Variants in INPP4B observed in about 807,000 individuals in gnomAD.
INPP4B encodes the protein inositol polyphosphate-4-phosphatase type II B.
A neutral mutation model predicts 122.5 loss-of-function variants in INPP4B; 55 were observed. The observed-to-expected ratio is 0.45, with a 90% CI of 0.36 to 0.56. The LOEUF is 0.56. Ranked by LOEUF, INPP4B falls within the 20% of genes least tolerant of loss-of-function variation. The pLI, the probability that INPP4B is intolerant of heterozygous loss-of-function variation, is 0.00. For missense variants in INPP4B, 1,000 were observed against 1,097.7 expected (o/e 0.91, Z 1.26); for synonymous variants, 403 against 388.7 (o/e 1.04, Z -0.43).
chr4:142,365,345 A>G (rs1323289869), intron 7 of INPP4B, among the ~76,000 whole-genome samples: 1 of 152,156 alleles, frequency 6.6e-6, no homozygotes, highest in Non-Finnish European at 1.5e-5. Context: ...ATCAACTGAG[A>G]TCACGAAGAA....
chr4:142,104,232 T>C lies in INPP4B; in HGVS notation c.2374+3861A>G, dbSNP rs181499142. Among the ~76,000 whole-genome samples, 3 of 152,294 alleles carry C rather than the reference T, an allele frequency of 2.0e-5. No individual in the cohort carries two copies. The East Asian group carries it at 5.8e-4, about 29-fold the overall frequency. ...GGAAGACAGAAGGGGCTTTATCCAC[T>C]TCCTTCAGAAGCCCTGAATCATGTA... On this transcript the variant is annotated intron_variant, in intron 23 of 25. Transcript: ENST00000262992.
chr4:142,765,311 T>A (rs1771949378), intron 1 of INPP4B, among the ~76,000 whole-genome samples: 1 of 152,130 alleles, frequency 6.6e-6, no homozygotes. Context: ...GGGGTGGCAC[T>A]GAAGGGCTGG....
intron 1 of INPP4B, among the ~76,000 whole-genome samples, chr4:142,812,685 C>CT (rs1018640311): frequency 1.3e-5 from 2 of 151,912 alleles, no homozygotes; most frequent in African/African-American, 4.8e-5. Flanking sequence ...CTTATTTATA[C>CT]TTTTTTATAA....
intron 25 of INPP4B, among the ~76,000 whole-genome samples, chr4:142,032,985 GAA>G (rs1741318633): frequency 6.6e-6 from 1 of 151,434 alleles, no homozygotes; most frequent in East Asian, 1.9e-4. Context: ...GCATGGTAAA[GAA>G]AAATATCACC....
In INPP4B at chr4:142,360,974, T is replaced by C. The variant is rs144764076; in HGVS notation, c.372+41964A>G. On this transcript the variant is annotated intron_variant, in intron 7 of 25. Transcript: ENST00000262992. ...TTGTATTGTTTGTGTGCATGTGCTA[T>C]TGTTTGCTCTTTGAGTGTCATCCTT... is the stretch of plus-strand genomic sequence containing the variant. Among the ~76,000 whole-genome samples, 1,087 of 152,052 alleles carry C rather than the reference T, an allele frequency of 7.1e-3. 13 individuals are homozygous for C. The highest frequency in any genetic ancestry group is 0.025 in the African/African-American group (1,039 of 41,520).
chr4:142,623,230 C>T (rs1580531131), intron 2 of INPP4B, among the ~76,000 whole-genome samples: 1 of 151,946 alleles, frequency 6.6e-6, no homozygotes, highest in South Asian at 2.1e-4. Flanking sequence ...TCAATTCAGT[C>T]TGACACCGTC....
intron 25 of INPP4B, among the ~76,000 whole-genome samples, chr4:142,064,716 C>A (rs959832319): frequency 6.6e-6 from 1 of 151,854 alleles, no homozygotes; most frequent in Non-Finnish European, 1.5e-5. Context: ...TAGAAAAAAT[C>A]TTTAGCACAA....
intron 8 of INPP4B, 162 bp from the exon 9 acceptor site, chr4:142,305,699 C>A: frequency 2.1e-6 from 3 of 1,450,696 alleles, no homozygotes; most frequent in Non-Finnish European, 2.7e-6. Context: ...AATATATCTA[C>A]CTCATGGGGT....
chr4:142,504,150 G>C (rs1469977626), intron 2 of INPP4B, among the ~76,000 whole-genome samples: 3 of 151,764 alleles, frequency 2.0e-5, no homozygotes, highest in Non-Finnish European at 4.4e-5. Context: ...GTATACTAAG[G>C]GTTAATTATC....
At chr4:142,593,871 TACACAC>T in intron 2 of INPP4B, among the ~76,000 whole-genome samples, 1 of 149,738 alleles carries the variant, frequency 6.7e-6, no homozygotes, top group South Asian at 2.1e-4. Flanking sequence ...TCAGCATAAA[TACACAC>T]ACACACACAC....
intron 1 of INPP4B, among the ~76,000 whole-genome samples, chr4:142,832,282 T>C (rs1016376523): frequency 1.3e-5 from 2 of 152,186 alleles, no homozygotes; most frequent in African/African-American, 4.8e-5. Flanking sequence ...TCCTTCCAAC[T>C]ATAATGTGTT....
chr4:142,433,182 C>G (rs1809699176), intron 3 of INPP4B, among the ~76,000 whole-genome samples: 1 of 152,124 alleles, frequency 6.6e-6, no homozygotes, highest in Admixed American at 6.5e-5. Context: ...GAATTAGTCA[C>G]AAAGCTCAAG....
At chr4:142,470,471 A>G (rs571494391) in intron 2 of INPP4B, among the ~76,000 whole-genome samples, 33 of 152,286 alleles carry the variant, frequency 2.2e-4, no homozygotes, top group African/African-American at 7.7e-4. Context: ...TACATTCCCA[A>G]GAGTATTTTC....
At chr4:142,523,609 T>A (rs1047217546) in intron 2 of INPP4B, among the ~76,000 whole-genome samples, 1 of 152,062 alleles carries the variant, frequency 6.6e-6, no homozygotes, top group South Asian at 2.1e-4. Flanking sequence ...CCTGCATTGC[T>A]CTCCTCCTGC....
At chr4:142,803,649 T>TAAAAAA (rs34262906) in intron 1 of INPP4B, among the ~76,000 whole-genome samples, 3 of 138,988 alleles carry the variant, frequency 2.2e-5, no homozygotes, top group Admixed American at 7.1e-5. Flanking sequence ...CAATAAAACT[T>TAAAAAA]AAAAAAAAAA....
At chr4:142,773,305 A>T (rs1358795881) in intron 1 of INPP4B, among the ~76,000 whole-genome samples, 1 of 152,212 alleles carries the variant, frequency 6.6e-6, no homozygotes, top group African/African-American at 2.4e-5. Context: ...CTACTAAAAA[A>T]TTACCTTATT....
chr4:142,504,605 T>A (rs947693348), intron 2 of INPP4B, among the ~76,000 whole-genome samples: 4 of 152,140 alleles, frequency 2.6e-5, no homozygotes, highest in Admixed American at 6.5e-5. Context: ...AATGCTCATA[T>A]ATAGAAGAAT....
At chr4:142,354,600 T>C (rs181363801) in intron 7 of INPP4B, among the ~76,000 whole-genome samples, 4 of 152,112 alleles carry the variant, frequency 2.6e-5, no homozygotes, top group Admixed American at 1.3e-4. Flanking sequence ...GCTGGTGTTA[T>C]GGGAGGTAGA....
intron 11 of INPP4B, 110 bp downstream of exon 11, chr4:142,260,382 A>AT (rs1308480691): frequency 1.4e-6 from 1 of 725,518 alleles, no homozygotes; most frequent in Non-Finnish European, 2.4e-6. Flanking sequence ...TTCCCAGTGT[A>AT]TTTACTAAGC....
Sources: allele counts gnomAD v4.1 joint callset (sites outside exome capture counted in the v4.1 genomes callset), GRCh38; gene constraint gnomAD v4.1.1; transcripts MANE v1.5; gene names NCBI Gene and HGNC (gene_info 2026-07-23, HGNC 2026-07-21).